The following CHN2 variants were observed in gnomAD, a reference collection of about 807,000 sequenced individuals.
The protein encoded by CHN2 is chimerin 2, also known as beta-chimaerin.
A neutral mutation model predicts 56.3 loss-of-function variants in CHN2; 35 were observed. The ratio of observed to expected loss-of-function variants is 0.62; its 90% CI spans 0.47 to 0.82. CHN2 has a LOEUF of 0.82. Ranked by LOEUF, CHN2 falls within the 40% of genes least tolerant of loss-of-function variation. The pLI is 0.00. For synonymous variants in CHN2, 210 were observed against 212.8 expected, an observed-to-expected ratio of 0.99 and a Z score of 0.12; for missense variants, 491 against 580.5, an observed-to-expected ratio of 0.85 and a Z score of 1.58.
Position 29,512,814 on chromosome 7 carries a change from C to T in CHN2, c.*79C>T. On this transcript the variant is annotated 3_prime_UTR_variant, in exon 13 of 13. Transcript: ENST00000222792. The stretch of plus-strand genomic sequence containing the variant: ...AAAGGAATAAAAACATTTCTTACCA[C>T]TTGATTTGTTTTCCAAGCAAGTGCT... The T allele has an allele frequency of 6.8e-7, 1 of 1,467,476 alleles. No homozygotes were observed. The highest frequency in any genetic ancestry group is 9.2e-7 in the Non-Finnish European group (1 of 1,087,432). 90.9% of individuals were successfully genotyped at this position (1,467,476 alleles called of 1,614,324 possible). A position where few individuals can be genotyped will look rare whatever the true frequency, so the allele number is the denominator to read the frequency against.
At chr7:29,405,221 A>ACACACACACACC (rs1802552624) in intron 6 of CHN2, among the ~76,000 whole-genome samples, 1 of 141,424 alleles carries the variant, frequency 7.1e-6, no homozygotes, top group Non-Finnish European at 1.5e-5. Context: ...ACACACACAC[A>ACACACACACACC]CGGCAGTTCC....
intron 1 of CHN2, among the ~76,000 whole-genome samples, chr7:29,323,452 T>A (rs906183595): frequency 3.9e-5 from 6 of 152,180 alleles, no homozygotes; most frequent in African/African-American, 1.2e-4. Context: ...ATTACAGAGT[T>A]TTTGGTAGCT....
At chr7:29,333,981 T>TTGAC (rs1311505976) in intron 1 of CHN2, among the ~76,000 whole-genome samples, 1 of 152,172 alleles carries the variant, frequency 6.6e-6, no homozygotes, top group African/African-American at 2.4e-5. Flanking sequence ...ATCAATGGAT[T>TTGAC]TGACCACCTT....
chr7:29,299,235 TA>T (rs1005486883), intron 1 of CHN2, among the ~76,000 whole-genome samples: 4 of 152,212 alleles, frequency 2.6e-5, no homozygotes, highest in African/African-American at 9.6e-5. Context: ...GACCCCTTTC[TA>T]CTTGGCTGTC....
chr7:29,250,455 C>T lies in CHN2; in HGVS notation c.49+55465C>T, dbSNP rs118011695. Reference sequence around the variant, plus strand: ...TTATGCTTCACCCATGTAAGGAGTGCATGTCTCACAGAATCAGGCAACAGC... The same window carrying T: ...TTATGCTTCACCCATGTAAGGAGTGTATGTCTCACAGAATCAGGCAACAGC... On this transcript the variant is annotated intron_variant, in intron 1 of 12. Coordinates refer to ENST00000222792, the MANE Select transcript of CHN2 (RefSeq NM_004067.4). Among the ~76,000 whole-genome samples the T allele has an allele frequency of 3.8e-3, 586 of 152,286 alleles. 1 individual carries two copies. The highest frequency in any genetic ancestry group is 6.9e-3 in the Non-Finnish European group (466 of 68,018).
At chr7:29,502,465 TG>T (rs1790073007) in intron 9 of CHN2, among the ~76,000 whole-genome samples, 2 of 152,172 alleles carry the variant, frequency 1.3e-5, no homozygotes, top group Admixed American at 1.3e-4. Flanking sequence ...CAGAGTTTAA[TG>T]GCCACTGCAA....
intron 6 of CHN2, among the ~76,000 whole-genome samples, chr7:29,409,028 A>AT (rs1802931861): frequency 6.6e-6 from 1 of 152,186 alleles, no homozygotes; most frequent in African/African-American, 2.4e-5. Flanking sequence ...GCAAGAACAA[A>AT]TTTTTCAGCA....
chr7:29,468,129 C>A (rs1344639332), intron 6 of CHN2, among the ~76,000 whole-genome samples: 24 of 96,070 alleles, frequency 2.5e-4, no homozygotes, highest in African/African-American at 8.6e-4. Context: ...TCACAGAAAC[C>A]AAACGGACCC....
At chr7:29,285,322 G>A (rs1035992322) in intron 1 of CHN2, among the ~76,000 whole-genome samples, 4 of 152,192 alleles carry the variant, frequency 2.6e-5, no homozygotes, top group Admixed American at 2.0e-4. Flanking sequence ...ACTCATTAAA[G>A]ACAGTTCTCA....
At chr7:29,334,049 CTTTTTT>C (rs70980529) in intron 1 of CHN2, among the ~76,000 whole-genome samples, 2 of 123,128 alleles carry the variant, frequency 1.6e-5, no homozygotes, top group South Asian at 2.5e-4. Context: ...AATTTCTTTT[CTTTTTT>C]TTTTTTTTTT....
chr7:29,488,723 G>T lies in CHN2; in HGVS notation c.655-7229G>T, dbSNP rs868112502. On this transcript the variant is annotated intron_variant, in intron 7 of 12. Transcript: ENST00000222792. ...TGACCCCTGGGGGACATTTGTCAAT[G>T]CCTACAGATATTTGTGATTTGTCCC... Among the ~76,000 whole-genome samples the T allele has an allele frequency of 2.0e-5, 3 of 151,804 alleles. No homozygotes were observed. In the South Asian group the frequency reaches 6.3e-4, roughly 32 times the overall value.
rs370520992 is a variant in CHN2, at chr7:29,260,993, A to T, written c.49+66003A>T. Among the ~76,000 whole-genome samples the T allele has an allele frequency of 5.9e-5, 9 of 152,276 alleles. No individual in the cohort carries two copies. In the East Asian group the frequency reaches 1.3e-3, roughly 23 times the overall value. On this transcript the variant is annotated intron_variant, in intron 1 of 12. Coordinates refer to ENST00000222792, the MANE Select transcript of CHN2 (RefSeq NM_004067.4). ...TTGACCCTTTTGATGGGGAAATTAG[A>T]ACATGATTTTTTAATGCAGATTTGG... is the stretch of plus-strand genomic sequence containing the variant.
chr7:29,440,121 A>G (rs1480256159), intron 6 of CHN2, among the ~76,000 whole-genome samples: 1 of 152,080 alleles, frequency 6.6e-6, no homozygotes, highest in Non-Finnish European at 1.5e-5. Flanking sequence ...ATTGAACACA[A>G]CTCCAAATTC....
chr7:29,275,736 G>A (rs1191934660), intron 1 of CHN2, among the ~76,000 whole-genome samples: 2 of 152,128 alleles, frequency 1.3e-5, no homozygotes, highest in Non-Finnish European at 2.9e-5. Context: ...GGTCACTCAG[G>A]TTGCACATGG....
At chr7:29,296,314 A>G (rs1271489290) in intron 1 of CHN2, among the ~76,000 whole-genome samples, 2 of 151,884 alleles carry the variant, frequency 1.3e-5, no homozygotes, top group Non-Finnish European at 2.9e-5. Context: ...CGAACTCCTA[A>G]CCTCAGGTGA....
intron 11 of CHN2, 146 bp downstream of exon 11, chr7:29,507,511 C>G: frequency 1.5e-6 from 1 of 655,028 alleles, no homozygotes. Flanking sequence ...AATAGCTGAC[C>G]AGGCATAGTT....
chr7:29,277,108 G>C (rs1342578971), intron 1 of CHN2, among the ~76,000 whole-genome samples: 1 of 152,188 alleles, frequency 6.6e-6, no homozygotes, highest in Non-Finnish European at 1.5e-5. Context: ...AGACAGGAGA[G>C]AGGTCACTCA....
chr7:29,223,080 AGTTTACT>A (rs1311041993), intron 1 of CHN2, among the ~76,000 whole-genome samples: 1 of 152,188 alleles, frequency 6.6e-6, no homozygotes, highest in African/African-American at 2.4e-5. Flanking sequence ...AGAATATCAC[AGTTTACT>A]GTAAACATAA....
At chr7:29,224,436 A>G (rs1393448422) in intron 1 of CHN2, among the ~76,000 whole-genome samples, 1 of 152,084 alleles carries the variant, frequency 6.6e-6, no homozygotes, top group Non-Finnish European at 1.5e-5. Flanking sequence ...ATTTTTTTCT[A>G]TGTGTGTTGA....
Sources: gnomAD v4.1 joint callset for allele counts (sites outside exome capture counted in the v4.1 genomes callset) on GRCh38, gnomAD v4.1.1 for gene constraint, MANE v1.5 for transcripts, NCBI Gene and HGNC (gene_info 2026-07-23, HGNC 2026-07-21) for gene names.